Variants in PTPRN2 observed in about 807,000 individuals in gnomAD.
PTPRN2 encodes protein tyrosine phosphatase receptor type N2.
A neutral mutation model predicts 118.8 loss-of-function variants in PTPRN2; 74 were observed. The ratio of observed to expected loss-of-function variants is 0.62; its 90% CI spans 0.52 to 0.76. PTPRN2 has a LOEUF of 0.76. Among genes scored for constraint, PTPRN2 ranks in the 30% least tolerant of loss-of-function variants. PTPRN2 has a pLI of 0.00. For missense variants in PTPRN2, 1,481 were observed against 1,394.4 expected, an observed-to-expected ratio of 1.06 and a Z score of -0.99; for synonymous variants, 641 against 608.0, an observed-to-expected ratio of 1.05 and a Z score of -0.80.
intron 5 of PTPRN2, among the ~76,000 whole-genome samples, chr7:158,173,686 A>G (rs1240485675): frequency 6.6e-6 from 1 of 152,214 alleles, no homozygotes; most frequent in East Asian, 1.9e-4. Flanking sequence ...GGAGAATTTC[A>G]TCTCTTATCT....
At chr7:157,775,984 G>T (rs904391748) in intron 12 of PTPRN2, among the ~76,000 whole-genome samples, 1 of 152,096 alleles carries the variant, frequency 6.6e-6, no homozygotes, top group Admixed American at 6.5e-5. Flanking sequence ...GGGCCCGGGG[G>T]GATAGCCGCA....
chr7:158,461,833 C>T (rs1414851508), intron 2 of PTPRN2, among the ~76,000 whole-genome samples: 1 of 152,210 alleles, frequency 6.6e-6, no homozygotes, highest in Admixed American at 6.5e-5. Flanking sequence ...AATTATTTTT[C>T]ACCCACATTT....
Position 158,156,244 on chromosome 7 carries a change from C to T in PTPRN2, c.910+10687G>A, listed in dbSNP as rs1186467359. On this transcript the variant is annotated intron_variant, in intron 6 of 22. Coordinates refer to ENST00000389418, the MANE Select transcript of PTPRN2 (RefSeq NM_002847.5). Reference sequence around the variant, plus strand: ...TTCTCTATTGAATGCAATACTGAGGCAAAGAAGAAAAAAATATATCCAATT... The same window carrying T: ...TTCTCTATTGAATGCAATACTGAGGTAAAGAAGAAAAAAATATATCCAATT... 2.0e-5 allele frequency among the ~76,000 whole-genome samples: 3 copies of T among 151,984 alleles called. No homozygotes were observed. The East Asian group carries it at 5.8e-4, about 29-fold the overall frequency.
At chr7:158,340,304 G>C (rs1454967046) in intron 2 of PTPRN2, among the ~76,000 whole-genome samples, 3 of 96,922 alleles carry the variant, frequency 3.1e-5, no homozygotes, top group African/African-American at 1.1e-4. Context: ...CACCATAGGA[G>C]CTGACACCCA....
intron 12 of PTPRN2, among the ~76,000 whole-genome samples, chr7:157,867,375 G>T (rs1360980460): frequency 1.5e-5 from 2 of 130,078 alleles, no homozygotes; most frequent in East Asian, 4.9e-4. Context: ...TGACGCCCTG[G>T]ATACACGGCC....
At chr7:158,341,146 T>C in intron 2 of PTPRN2, among the ~76,000 whole-genome samples, 2 of 128,684 alleles carry the variant, frequency 1.6e-5, no homozygotes, top group African/African-American at 6.2e-5. Flanking sequence ...AGTCTCACCA[T>C]AAGAGCTGAC....
intron 3 of PTPRN2, among the ~76,000 whole-genome samples, chr7:158,270,857 C>CCCACCTGGACCGCCCCCT (rs1798364112): frequency 3.1e-5 from 1 of 31,882 alleles, no homozygotes; most frequent in Non-Finnish European, 5.7e-5. Flanking sequence ...GGACCGCCCC[C>CCCACCTGGACCGCCCCCT]CCACCTGGAC....
At chr7:158,510,884 C>T (rs73729661) in intron 1 of PTPRN2, among the ~76,000 whole-genome samples, 2,460 of 152,316 alleles carry the variant, frequency 0.016, 78 homozygotes, top group African/African-American at 0.056. Flanking sequence ...CGACATGTGT[C>T]GAGTTCCCAG....
intron 5 of PTPRN2, among the ~76,000 whole-genome samples, chr7:158,186,186 T>C (rs1175785171): frequency 6.6e-6 from 1 of 152,250 alleles, no homozygotes. Context: ...TGTGACTGGC[T>C]TCTGCTTCTT....
intron 11 of PTPRN2, among the ~76,000 whole-genome samples, chr7:157,985,982 G>T (rs1419081176): frequency 6.6e-6 from 1 of 152,218 alleles, no homozygotes; most frequent in South Asian, 2.1e-4. Context: ...AGATGCCACC[G>T]CATGTGAAAT....
intron 12 of PTPRN2, among the ~76,000 whole-genome samples, chr7:157,684,390 AG>A (rs1585233679): frequency 1.1e-5 from 1 of 93,884 alleles, no homozygotes; most frequent in African/African-American, 4.1e-5. Context: ...GGGGAGGGAG[AG>A]GGAAAGGGGG....
chr7:158,440,687 G>A (rs1444968203), intron 2 of PTPRN2, among the ~76,000 whole-genome samples: 1 of 150,360 alleles, frequency 6.7e-6, no homozygotes, highest in Non-Finnish European at 1.5e-5. Flanking sequence ...TGGTGGTGGT[G>A]GTGATGGTGA....
chr7:158,033,186 C>A (rs1265536272), intron 11 of PTPRN2, among the ~76,000 whole-genome samples: 1 of 77,734 alleles, frequency 1.3e-5, no homozygotes, highest in Non-Finnish European at 2.5e-5. Flanking sequence ...ACGAATAAAG[C>A]CTTGGTGCCT....
At chr7:158,311,811 G>A (rs979909365) in intron 3 of PTPRN2, among the ~76,000 whole-genome samples, 3 of 151,794 alleles carry the variant, frequency 2.0e-5, no homozygotes, top group East Asian at 1.9e-4. Flanking sequence ...ACATGCTCAC[G>A]TGTAGACACC....
At chr7:157,738,972 A>G (rs1286519050) in intron 12 of PTPRN2, 1 of 152,184 alleles carries the variant, frequency 6.6e-6, no homozygotes, top group Non-Finnish European at 1.5e-5. Context: ...TGATTTTAAG[A>G]TTTAACTTCG....
intron 1 of PTPRN2, among the ~76,000 whole-genome samples, chr7:158,523,000 G>A (rs1586862135): frequency 6.6e-6 from 1 of 152,214 alleles, no homozygotes; most frequent in East Asian, 1.9e-4. Context: ...ATAGCCAAGG[G>A]CTTCAACAGA....
intron 2 of PTPRN2, among the ~76,000 whole-genome samples, chr7:158,478,328 C>A (rs949002019): frequency 1.3e-5 from 2 of 152,150 alleles, no homozygotes; most frequent in Non-Finnish European, 1.5e-5. Context: ...CGGAAAACTG[C>A]AGACTGGAAG....
chr7:158,221,179 A>G (rs1169443250), intron 3 of PTPRN2, among the ~76,000 whole-genome samples: 1 of 152,180 alleles, frequency 6.6e-6, no homozygotes, highest in Non-Finnish European at 1.5e-5. Flanking sequence ...GAAGATTGAA[A>G]CTTGACTCCT....
In PTPRN2 at chr7:157,895,133, G is replaced by A. The variant is rs191298977; in HGVS notation, c.1788+3540C>T. 5.9e-5 allele frequency among the ~76,000 whole-genome samples: 9 copies of A among 152,146 alleles called. No individual in the cohort carries two copies. In the East Asian group the frequency reaches 7.8e-4, roughly 13 times the overall value. ...TAGGAAACGGCCAGAGGGTCTGAACGAGACCATAAAATAAGCCAGAGGGTC... is the reference window on the plus strand; with the variant it reads ...TAGGAAACGGCCAGAGGGTCTGAACAAGACCATAAAATAAGCCAGAGGGTC... On this transcript the variant is annotated intron_variant, in intron 12 of 22. Transcript: ENST00000389418.
Sources: allele counts gnomAD v4.1 joint callset (sites outside exome capture counted in the v4.1 genomes callset), GRCh38; gene constraint gnomAD v4.1.1; transcripts MANE v1.5; gene names NCBI Gene and HGNC (gene_info 2026-07-23, HGNC 2026-07-21).